Variants in DENND5B observed in about 807,000 individuals in gnomAD.
DENND5B encodes DENN domain containing 5B.
DENND5B carries 34 observed loss-of-function variants against 140.6 expected under a neutral mutation model. That is an observed-to-expected ratio of 0.24 (90% confidence interval 0.18 to 0.32). The LOEUF (loss-of-function observed/expected upper bound fraction) is 0.32. DENND5B is among the 10% of genes least tolerant of loss of function. The pLI is 1.00. For missense variants in DENND5B, 1,142 were observed against 1,560.2 expected, an observed-to-expected ratio of 0.73 and a Z score of 4.52; for synonymous variants, 551 against 562.1, an observed-to-expected ratio of 0.98 and a Z score of 0.28.
intron 14 of DENND5B, 125 bp from the exon 15 acceptor site, chr12:31,402,768 C>A: frequency 1.7e-6 from 2 of 1,165,366 alleles, no homozygotes; most frequent in Non-Finnish European, 1.2e-6. Flanking sequence ...TCAAGATGTA[C>A]TTATACGAAA....
At chr12:31,490,360 C>T (rs1231961987) in intron 2 of DENND5B, among the ~76,000 whole-genome samples, 7 of 152,072 alleles carry the variant, frequency 4.6e-5, no homozygotes, top group Non-Finnish European at 1.0e-4. Context: ...ACCTGTAATC[C>T]TAGCACTCTG....
At chr12:31,420,830 T>C (rs931837602) in intron 11 of DENND5B, among the ~76,000 whole-genome samples, 2 of 152,170 alleles carry the variant, frequency 1.3e-5, no homozygotes, top group African/African-American at 4.8e-5. Context: ...TGAACTTCTT[T>C]CTCTGAAATA....
At chr12:31,404,529 C>T (rs1364622242) in intron 14 of DENND5B, among the ~76,000 whole-genome samples, 1 of 152,196 alleles carries the variant, frequency 6.6e-6, no homozygotes, top group African/African-American at 2.4e-5. Context: ...TCTTGGCTCA[C>T]TGCAACCTCT....
chr12:31,463,754 T>A (rs781260299), intron 3 of DENND5B, among the ~76,000 whole-genome samples: 1 of 152,136 alleles, frequency 6.6e-6, no homozygotes, highest in South Asian at 2.1e-4. Flanking sequence ...CTCCACTTCC[T>A]GGGTTCAAGC....
At chr12:31,561,124 A>G (rs1949460304) in intron 1 of DENND5B, among the ~76,000 whole-genome samples, 2 of 152,206 alleles carry the variant, frequency 1.3e-5, no homozygotes, top group Admixed American at 6.5e-5. Flanking sequence ...TGAAGAAAAG[A>G]GGAGATCAGT....
At chr12:31,531,085 T>C (rs954510991) in intron 1 of DENND5B, among the ~76,000 whole-genome samples, 1 of 152,262 alleles carries the variant, frequency 6.6e-6, no homozygotes. Context: ...ATGTTCTTAA[T>C]ACATTTAATA....
chr12:31,471,466 T>TA (rs201432453), intron 3 of DENND5B, among the ~76,000 whole-genome samples: 9 of 146,890 alleles, frequency 6.1e-5, no homozygotes, highest in South Asian at 4.5e-4. Context: ...CCTGTATTTT[T>TA]TTTTTTTTTT....
intron 1 of DENND5B, among the ~76,000 whole-genome samples, chr12:31,502,315 A>G (rs565366227): frequency 1.0e-3 from 117 of 114,308 alleles, no homozygotes; most frequent in Non-Finnish European, 2.1e-3. Flanking sequence ...GCTGTCTCAA[A>G]AACAAAAACA....
At chr12:31,547,372 A>C (rs1948898221) in intron 1 of DENND5B, among the ~76,000 whole-genome samples, 1 of 152,188 alleles carries the variant, frequency 6.6e-6, no homozygotes. Context: ...AGACATGATT[A>C]GATGAAAATT....
At chr12:31,436,921 T>A (rs1565577094) in intron 7 of DENND5B, among the ~76,000 whole-genome samples, 1 of 152,204 alleles carries the variant, frequency 6.6e-6, no homozygotes, top group Non-Finnish European at 1.5e-5. Context: ...TTCTCCCAAC[T>A]TTCATTCACC....
intron 1 of DENND5B, among the ~76,000 whole-genome samples, chr12:31,558,052 G>GA (rs760518027): frequency 3.3e-5 from 5 of 151,694 alleles, no homozygotes; most frequent in Non-Finnish European, 5.9e-5. Context: ...CCGTCTCTTA[G>GA]AAAAAAAAGT....
At chr12:31,452,855 T>G (rs750168367) in intron 4 of DENND5B, among the ~76,000 whole-genome samples, 4 of 152,160 alleles carry the variant, frequency 2.6e-5, no homozygotes, top group Non-Finnish European at 5.9e-5. Flanking sequence ...CAGCAATATA[T>G]TATAATCTGA....
At chr12:31,495,464 C>T (rs1010617149) in intron 2 of DENND5B, among the ~76,000 whole-genome samples, 5 of 150,868 alleles carry the variant, frequency 3.3e-5, no homozygotes, top group Non-Finnish European at 7.4e-5. Flanking sequence ...CCACAACCTC[C>T]GCCTCCTGGG....
chr12:31,441,683 C>T (rs879821076), intron 7 of DENND5B, among the ~76,000 whole-genome samples: 17 of 152,010 alleles, frequency 1.1e-4, no homozygotes, highest in Non-Finnish European at 2.5e-4. Flanking sequence ...TTTTAATCCA[C>T]AATTCTTTTT....
intron 16 of DENND5B, among the ~76,000 whole-genome samples, chr12:31,399,275 C>CTTTT (rs530514939): frequency 5.0e-5 from 3 of 60,440 alleles, no homozygotes; most frequent in African/African-American, 6.2e-5. Context: ...TCAAACAATT[C>CTTTT]TTTTTTTTTT....
At chr12:31,482,287 A>AAC (rs1363171446) in intron 2 of DENND5B, among the ~76,000 whole-genome samples, 2 of 152,178 alleles carry the variant, frequency 1.3e-5, no homozygotes, top group Non-Finnish European at 2.9e-5. Flanking sequence ...CTACAATCTC[A>AAC]TGAACCTGAC....
At chr12:31,556,639 A>G (rs1166768789) in intron 1 of DENND5B, among the ~76,000 whole-genome samples, 1 of 152,240 alleles carries the variant, frequency 6.6e-6, no homozygotes, top group Admixed American at 6.5e-5. Context: ...CAACATAGCA[A>G]GACCCTATCT....
chr12:31,392,340 A>G lies in DENND5B; in HGVS notation c.3393T>C (p.Leu1131=), dbSNP rs749824548. The G allele has an allele frequency of 6.2e-7, 1 of 1,613,828 alleles. No individual in the cohort carries two copies. Among genetic ancestry groups the G allele is most frequent in the African/African-American group, 1.3e-5 (1 of 74,998 alleles). ...TGAACCCATGGTGGAAAACTTGCTCAAGGGCTGCAACCAGGCCATTTTCTC... is the reference window on the plus strand; with the variant it reads ...TGAACCCATGGTGGAAAACTTGCTCGAGGGCTGCAACCAGGCCATTTTCTC... ...LCGENGLVAA[L]EQVFHHGFKS... Residue 1131 remains leucine, a synonymous_variant, in exon 19 of 21, where the codon CTT becomes CTC. Transcript: ENST00000389082.
chr12:31,431,877 AAACAT>A (rs1302551236), intron 8 of DENND5B, among the ~76,000 whole-genome samples: 43 of 152,194 alleles, frequency 2.8e-4, no homozygotes, highest in Admixed American at 2.6e-3. Flanking sequence ...GAAAGGGACT[AAACAT>A]AACAAGAAGC....
Sources: gnomAD v4.1 joint callset for allele counts (sites outside exome capture counted in the v4.1 genomes callset) on GRCh38, gnomAD v4.1.1 for gene constraint, MANE v1.5 for transcripts, NCBI Gene and HGNC (gene_info 2026-07-23, HGNC 2026-07-21) for gene names.